The following MMS22L variants were observed in gnomAD, a reference collection of about 807,000 sequenced individuals.
MMS22L encodes protein MMS22-like.
A neutral mutation model predicts 159.1 loss-of-function variants in MMS22L; 74 were observed. The observed-to-expected ratio is 0.47, with a 90% CI of 0.39 to 0.56. The LOEUF is 0.56. Among genes scored for constraint, MMS22L ranks in the 20% least tolerant of loss-of-function variants. The pLI is 0.00. For synonymous variants in MMS22L, 517 were observed against 506.9 expected, an observed-to-expected ratio of 1.02 and a Z score of -0.27; for missense variants, 1,351 against 1,422.1, an observed-to-expected ratio of 0.95 and a Z score of 0.80.
intron 14 of MMS22L, among the ~76,000 whole-genome samples, chr6:97,197,063 A>T (rs1398708166): frequency 6.6e-6 from 1 of 152,130 alleles, no homozygotes; most frequent in Non-Finnish European, 1.5e-5. Context: ...CACACACAAA[A>T]AAAATAAAAA....
intron 22 of MMS22L, among the ~76,000 whole-genome samples, chr6:97,156,913 G>T (rs1337789591): frequency 6.6e-6 from 1 of 152,082 alleles, no homozygotes; most frequent in African/African-American, 2.4e-5. Flanking sequence ...TGGGGAGTAT[G>T]GCCATTTTCA....
intron 14 of MMS22L, among the ~76,000 whole-genome samples, chr6:97,190,607 G>C (rs1280525562): frequency 6.6e-6 from 1 of 152,182 alleles, no homozygotes; most frequent in Admixed American, 6.5e-5. Context: ...TTTACTATGA[G>C]ACCAGCACCA....
chr6:97,160,757 A>G (rs1480048485), intron 22 of MMS22L, among the ~76,000 whole-genome samples: 1 of 151,886 alleles, frequency 6.6e-6, no homozygotes, highest in Non-Finnish European at 1.5e-5. Flanking sequence ...ATGGTGTTCC[A>G]CATTTCTCAA....
chr6:97,254,481 A>C lies in MMS22L; in HGVS notation c.1119+76T>G, dbSNP rs1424390743. 9.2e-6 allele frequency: 11 copies of C among 1,190,370 alleles called. 1 individual carries two copies. In the South Asian group the frequency reaches 1.4e-4, roughly 16 times the overall value. The allele number at this position is 1,190,370 out of a possible 1,614,324, so 73.7% of individuals were successfully genotyped here. The stretch of plus-strand genomic sequence containing the variant: ...AGTCTGACTTTTCTTGTTTCTGCTC[A>C]CTTATTTTCTAATTTGTCCAAATAA... On this transcript the variant is annotated intron_variant, in intron 10 of 24. Transcript: ENST00000683635.
chr6:97,152,350 T>C (rs988780025), intron 22 of MMS22L, among the ~76,000 whole-genome samples: 1 of 151,710 alleles, frequency 6.6e-6, no homozygotes, highest in African/African-American at 2.4e-5. Flanking sequence ...GTATGCAAAA[T>C]GTTGTTTGTG....
chr6:97,165,595 C>G, intron 20 of MMS22L, 138 bp from the exon 21 acceptor site: 1 of 720,452 alleles, frequency 1.4e-6, no homozygotes, highest in Non-Finnish European at 2.3e-6. Flanking sequence ...TCACGTAATC[C>G]ACAGATAATG....
At chr6:97,181,774 G>T in intron 16 of MMS22L, 130 bp downstream of exon 16, 1 of 904,556 alleles carries the variant, frequency 1.1e-6, no homozygotes. Context: ...ATATCTGAAA[G>T]CAAAAACCTG....
At chr6:97,165,041 G>T (rs1408690797) in intron 21 of MMS22L, among the ~76,000 whole-genome samples, 1 of 152,098 alleles carries the variant, frequency 6.6e-6, no homozygotes, top group Non-Finnish European at 1.5e-5. Flanking sequence ...ATAGAGAAAA[G>T]AGAAGGAATT....
intron 14 of MMS22L, among the ~76,000 whole-genome samples, chr6:97,207,463 T>TA (rs1227041160): frequency 6.6e-6 from 1 of 152,082 alleles, no homozygotes; most frequent in Non-Finnish European, 1.5e-5. Flanking sequence ...CTATTTGCTT[T>TA]AAAAAAAATT....
rs370448661 is a variant in MMS22L at position 97,216,632 on chromosome 6, A to G, written c.2039+12262T>C. 2.0e-4 allele frequency among the ~76,000 whole-genome samples: 31 copies of G among 152,326 alleles called. 1 individual carries two copies. The highest frequency in any genetic ancestry group is 3.4e-3 in the Middle Eastern group (1 of 294). On this transcript the variant is annotated intron_variant, in intron 14 of 24. Coordinates refer to ENST00000683635, the MANE Select transcript of MMS22L (RefSeq NM_001350599.2). ...CAGTCTTCAATATACTTACTATGAC[A>G]GCCTGTCTTTGGTTTAAGAAACAGC...
At chr6:97,223,535 G>A (rs1809881591) in intron 14 of MMS22L, among the ~76,000 whole-genome samples, 1 of 152,014 alleles carries the variant, frequency 6.6e-6, no homozygotes, top group Non-Finnish European at 1.5e-5. Context: ...AACAGTATAT[G>A]GCATATCTAA....
intron 14 of MMS22L, among the ~76,000 whole-genome samples, chr6:97,192,162 G>A (rs1472995909): frequency 7.8e-5 from 11 of 141,586 alleles, no homozygotes; most frequent in African/African-American, 3.0e-4. Flanking sequence ...TAAGTAGGTG[G>A]TAGACGGATG....
intron 10 of MMS22L, among the ~76,000 whole-genome samples, chr6:97,248,483 G>A (rs1041643291): frequency 6.6e-6 from 1 of 152,186 alleles, no homozygotes; most frequent in African/African-American, 2.4e-5. Context: ...TAGCAAAATT[G>A]TTGACTTTTT....
intron 11 of MMS22L, among the ~76,000 whole-genome samples, chr6:97,240,906 C>T (rs1333300111): frequency 2.0e-5 from 3 of 152,114 alleles, no homozygotes; most frequent in African/African-American, 4.8e-5. Context: ...GGATTACAGG[C>T]GTGAGCCACC....
At chr6:97,275,672 A>G (rs1406267259) in intron 4 of MMS22L, among the ~76,000 whole-genome samples, 2 of 152,222 alleles carry the variant, frequency 1.3e-5, no homozygotes, top group Non-Finnish European at 2.9e-5. Context: ...AAACACACAC[A>G]CAATAGCTGA....
intron 22 of MMS22L, among the ~76,000 whole-genome samples, chr6:97,153,263 A>G (rs994806993): frequency 1.3e-5 from 2 of 151,606 alleles, no homozygotes; most frequent in Admixed American, 1.3e-4. Flanking sequence ...CATCATCACA[A>G]TTTTACAATA....
chr6:97,231,605 ATT>A lies in MMS22L; in HGVS notation c.1348_1349del (p.Asn450TyrfsTer10). On this transcript the variant is annotated frameshift_variant, in exon 13 of 25. Transcript: ENST00000683635. LOFTEE classifies it high-confidence loss of function. ...GCATAGACAAGGGTGACTTCATGGTATTAGCAAGGCCTTTAAAAGGAAGCCAA... is the reference window on the plus strand; with the variant it reads ...GCATAGACAAGGGTGACTTCATGGTAAGCAAGGCCTTTAAAAGGAAGCCAA... Reference protein sequence around the residue: ...ISWLPFKGLANTMKSPLSMLE... With the variant: ...ISWLPFKGLAXTMKSPLSMLE... 2 of 1,613,810 alleles carry A rather than the reference ATT, an allele frequency of 1.2e-6. No homozygotes were observed. Among genetic ancestry groups the A allele is most frequent in the Non-Finnish European group, 1.7e-6 (2 of 1,179,812 alleles).
At chr6:97,255,482 T>C (rs1311917356) in intron 9 of MMS22L, among the ~76,000 whole-genome samples, 2 of 152,080 alleles carry the variant, frequency 1.3e-5, no homozygotes, top group African/African-American at 2.4e-5. Context: ...AATTCATAAT[T>C]TTTTGTTATT....
intron 14 of MMS22L, among the ~76,000 whole-genome samples, chr6:97,204,649 G>A (rs1157288744): frequency 1.3e-5 from 2 of 151,926 alleles, no homozygotes; most frequent in Non-Finnish European, 2.9e-5. Flanking sequence ...GGGGGTAGGG[G>A]GTGGGCATGG....
Sources: gnomAD v4.1 joint callset for allele counts (sites outside exome capture counted in the v4.1 genomes callset) on GRCh38, gnomAD v4.1.1 for gene constraint, MANE v1.5 for transcripts, NCBI Gene and HGNC (gene_info 2026-07-23, HGNC 2026-07-21) for gene names.